The following SLC26A3 variants were observed in gnomAD, a reference collection of about 807,000 sequenced individuals.
SLC26A3 encodes the protein solute carrier family 26 member 3, also known as chloride anion exchanger.
In SLC26A3, 64 loss-of-function variants were observed where a neutral mutation model predicts 85.6. The ratio of observed to expected loss-of-function variants is 0.75; its 90% CI spans 0.61 to 0.92. The LOEUF (loss-of-function observed/expected upper bound fraction) is 0.92, where lower values mean the gene tolerates loss of function less well. Among genes scored for constraint, SLC26A3 ranks in the 40% least tolerant of loss-of-function variants. The pLI is 0.00. For synonymous variants in SLC26A3, 349 were observed against 336.0 expected (o/e 1.04, Z -0.42); for missense variants, 922 against 927.3 (o/e 0.99, Z 0.07).
At chr7:107,765,937 C>A in intron 20 of SLC26A3, 59 bp from the exon 21 acceptor site, 1 of 1,454,020 alleles carries the variant, frequency 6.9e-7, no homozygotes, top group South Asian at 1.1e-5. Flanking sequence ...TTACAATAAT[C>A]ACATCTTAGG....
At chr7:107,787,790 G>A (rs192730884) in intron 6 of SLC26A3, among the ~76,000 whole-genome samples, 41 of 152,128 alleles carry the variant, frequency 2.7e-4, no homozygotes, top group Non-Finnish European at 5.4e-4. Context: ...AAATTTTGTT[G>A]GATACTTTTC....
At position 107,765,865 on chromosome 7, in the gene SLC26A3, G is replaced by T; in HGVS notation, c.2285C>A (p.Thr762Lys). The T allele has an allele frequency of 6.2e-7, 1 of 1,610,880 alleles. No individual in the cohort carries two copies. Among genetic ancestry groups the T allele is most frequent in the Non-Finnish European group, 8.5e-7 (1 of 1,177,518 alleles). ...TGAATTATATGTTGATTAGAATTTT[G>T]TTTCAACTGGCACCTGGAAGAAGAC... is the stretch of plus-strand genomic sequence containing the variant. ...RNRVYEVPVETKF is the reference protein window; with the variant it reads ...RNRVYEVPVEKKF Residue 762 changes from threonine (T) to lysine (K), a missense_variant, in exon 21 of 21, where the codon ACA (threonine) becomes AAA (lysine). Coordinates refer to ENST00000340010, the MANE Select transcript of SLC26A3 (RefSeq NM_000111.3).
chr7:107,789,379 C>G (rs567168547), intron 6 of SLC26A3, 145 bp downstream of exon 6: 31 of 789,560 alleles, frequency 3.9e-5, no homozygotes, highest in African/African-American at 2.9e-4. Flanking sequence ...CTCGGCCTCC[C>G]AAAGTGCTGC....
At position 107,779,651 on chromosome 7, in the gene SLC26A3, CTATT is replaced by C. The variant is rs1794183613; in HGVS notation, c.1407+13_1407+16del. ...TTGTGATTTATCTCTCTTTCAAATA[CTATT>C]GCCTCTACTTACACAATCATATTTG... On this transcript the variant is annotated intron_variant, in intron 12 of 20. Transcript: ENST00000340010. The C allele has an allele frequency of 5.7e-6, 9 of 1,568,790 alleles. No individual in the cohort carries two copies. In the East Asian group the frequency reaches 2.0e-4, roughly 35 times the overall value.
At chr7:107,770,173 T>TGTGGCAGGG (rs1439468826) in intron 18 of SLC26A3, among the ~76,000 whole-genome samples, 1 of 13,072 alleles carries the variant, frequency 7.6e-5, no homozygotes, top group African/African-American at 4.3e-4. Context: ...TTTTTTTTTT[T>TGTGGCAGGG]TTTTTTTTAA....
chr7:107,797,285 G>A (rs1007629727), intron 1 of SLC26A3, among the ~76,000 whole-genome samples: 7 of 152,186 alleles, frequency 4.6e-5, no homozygotes, highest in Non-Finnish European at 7.3e-5. Context: ...CTTGAGGTCA[G>A]GGGTTCAAGA....
chr7:107,774,087 C>T lies in SLC26A3; in HGVS notation c.1840G>A (p.Glu614Lys). The T allele has an allele frequency of 1.2e-6, 2 of 1,614,142 alleles. No individual in the cohort carries two copies. Among genetic ancestry groups the T allele is most frequent in the Non-Finnish European group, 1.7e-6 (2 of 1,180,018 alleles). ...SDEELDNNQI[E>K]VLDQPINTTD... ...GTATTGATTGGCTGGTCCAGTACTT[C>T]TATCTGATTGTTGTCCAGCTCTTCG... The change falls in exon 17 of 21, where the codon GAA becomes AAA. Residue 614 changes from glutamate to lysine, a missense_variant. Coordinates refer to ENST00000340010, the MANE Select transcript of SLC26A3 (RefSeq NM_000111.3).
intron 3 of SLC26A3, among the ~76,000 whole-genome samples, chr7:107,793,305 TC>T (rs1463504475): frequency 6.6e-6 from 1 of 152,204 alleles, no homozygotes; most frequent in Non-Finnish European, 1.5e-5. Context: ...ATAGCATTAC[TC>T]ATAACTCATA....
intron 14 of SLC26A3, 35 bp from the exon 15 acceptor site, chr7:107,776,579 A>G: frequency 6.2e-7 from 1 of 1,608,284 alleles, no homozygotes; most frequent in Non-Finnish European, 8.5e-7. Flanking sequence ...GGTGTTGCCC[A>G]TTAGATCCAT....
intron 1 of SLC26A3, among the ~76,000 whole-genome samples, chr7:107,801,317 A>G (rs990402): frequency 0.079 from 11,986 of 152,060 alleles, 764 homozygotes; most frequent in African/African-American, 0.18. Context: ...CCCAAGAGAG[A>G]CAAGGTAAAA....
At chr7:107,775,024 G>T in intron 15 of SLC26A3, 152 bp from the exon 16 acceptor site, 2 of 709,634 alleles carry the variant, frequency 2.8e-6, no homozygotes, top group Non-Finnish European at 5.0e-6. Flanking sequence ...AACAATATCA[G>T]CCAGAACATT....
intron 4 of SLC26A3, 50 bp downstream of exon 4, chr7:107,791,780 T>G: frequency 8.3e-7 from 1 of 1,199,392 alleles, no homozygotes; most frequent in Non-Finnish European, 1.2e-6. Context: ...CTAATAAAAT[T>G]CATAAGGAAA....
chr7:107,772,234 A>C (rs1434646461), intron 17 of SLC26A3, 126 bp from the exon 18 acceptor site: 2 of 676,504 alleles, frequency 3.0e-6, no homozygotes, highest in Non-Finnish European at 5.3e-6. Flanking sequence ...TTTTGAAAAG[A>C]GATAATAGTG....
chr7:107,782,186 T>C (rs939818301), intron 11 of SLC26A3, among the ~76,000 whole-genome samples: 7 of 152,204 alleles, frequency 4.6e-5, no homozygotes, highest in Non-Finnish European at 8.8e-5. Flanking sequence ...GTCATCTTGT[T>C]TCCTAGAGAG....
At chr7:107,788,128 C>G (rs3801938) in intron 6 of SLC26A3, among the ~76,000 whole-genome samples, 34,912 of 152,066 alleles carry the variant, frequency 0.23, 4,295 homozygotes, top group East Asian at 0.36. Context: ...GAACACTCCA[C>G]TTTTGGAATA....
Position 107,796,914 on chromosome 7 carries a change from G to C in SLC26A3, c.-88-2317C>G, listed in dbSNP as rs111781469. ...TCAAGGAGTTCACAGAAATTTATTAGTTGTCTTCCCCAAAAAAGATCTTGA... is the reference window on the plus strand; with the variant it reads ...TCAAGGAGTTCACAGAAATTTATTACTTGTCTTCCCCAAAAAAGATCTTGA... On this transcript the variant is annotated intron_variant, in intron 1 of 20. Coordinates refer to ENST00000340010, the MANE Select transcript of SLC26A3 (RefSeq NM_000111.3). Among the ~76,000 whole-genome samples the C allele has an allele frequency of 6.6e-5, 10 of 151,744 alleles. No individual in the cohort carries two copies. The South Asian group carries it at 1.0e-3, about 16-fold the overall frequency.
intron 8 of SLC26A3, among the ~76,000 whole-genome samples, chr7:107,785,894 A>AAAAAC (rs531907273): frequency 5.4e-3 from 821 of 152,328 alleles, no homozygotes; most frequent in Non-Finnish European, 9.5e-3. Context: ...AGTCTTTTAA[A>AAAAAC]AAAACAAAAC....
intron 1 of SLC26A3, among the ~76,000 whole-genome samples, chr7:107,802,658 T>C (rs934336543): frequency 1.3e-5 from 2 of 151,854 alleles, no homozygotes; most frequent in African/African-American, 4.8e-5. Flanking sequence ...CATATCCCTA[T>C]GCCTGGCTGG....
intron 19 of SLC26A3, 26 bp from the exon 20 acceptor site, chr7:107,767,670 G>A (rs1462835626): frequency 1.2e-6 from 2 of 1,602,950 alleles, no homozygotes; most frequent in South Asian, 1.1e-5. Flanking sequence ...TGGAAATATG[G>A]ATTAGGGGCT....
Sources: allele counts gnomAD v4.1 joint callset (sites outside exome capture counted in the v4.1 genomes callset), GRCh38; gene constraint gnomAD v4.1.1; transcripts MANE v1.5; gene names NCBI Gene and HGNC (gene_info 2026-07-23, HGNC 2026-07-21).